Variants in GRIN2A observed in about 807,000 individuals in gnomAD.
GRIN2A encodes the protein glutamate ionotropic receptor NMDA type subunit 2A, also known as glutamate receptor ionotropic, NMDA 2A.
In GRIN2A, 22 loss-of-function variants were observed where a neutral mutation model predicts 113.4. That is an observed-to-expected ratio of 0.19 (90% CI 0.14 to 0.28). The LOEUF is 0.28. GRIN2A is among the 10% of genes least tolerant of loss of function. The pLI, the probability that GRIN2A is intolerant of heterozygous loss-of-function variation, is 1.00. For synonymous variants in GRIN2A, 827 were observed against 738.4 expected (o/e 1.12, Z -1.94); for missense variants, 1,502 against 1,887.0 (o/e 0.80, Z 3.78).
At chr16:9,978,976 C>T (rs1272098916) in intron 2 of GRIN2A, among the ~76,000 whole-genome samples, 6 of 152,304 alleles carry the variant, frequency 3.9e-5, no homozygotes, top group Admixed American at 6.5e-5. Context: ...ACTCCCACAA[C>T]GAAACCTGTG....
At chr16:9,887,638 C>G (rs1433208624) in intron 4 of GRIN2A, among the ~76,000 whole-genome samples, 1 of 152,162 alleles carries the variant, frequency 6.6e-6, no homozygotes, top group Non-Finnish European at 1.5e-5. Context: ...AATGAACATT[C>G]TTGTACAAGT....
At chr16:10,009,556 G>A (rs1732962945) in intron 2 of GRIN2A, among the ~76,000 whole-genome samples, 1 of 152,116 alleles carries the variant, frequency 6.6e-6, no homozygotes, top group African/African-American at 2.4e-5. Flanking sequence ...GAAAGGCAGT[G>A]GTAACAAACA....
intron 2 of GRIN2A, among the ~76,000 whole-genome samples, chr16:10,001,345 T>C (rs2046316399): frequency 6.6e-6 from 1 of 152,178 alleles, no homozygotes; most frequent in African/African-American, 2.4e-5. Context: ...ATTCACCTGG[T>C]TGCAAGTGAC....
At position 9,844,818 on chromosome 16, in the gene GRIN2A, A is replaced by G. The variant is rs147218052; in HGVS notation, c.1329-3714T>C. Among the ~76,000 whole-genome samples, 61 of 152,286 alleles carry G rather than the reference A, an allele frequency of 4.0e-4. No individual in the cohort carries two copies. The East Asian group carries it at 4.8e-3, about 12-fold the overall frequency. On this transcript the variant is annotated intron_variant, in intron 5 of 12. Transcript: ENST00000330684. ...TGACAGCATGGCCATTTCTCGCTACACATCAGGCCAAATGATTTTTCCAAT... is the reference window on the plus strand; with the variant it reads ...TGACAGCATGGCCATTTCTCGCTACGCATCAGGCCAAATGATTTTTCCAAT...
At chr16:10,146,706 G>T (rs1057082636) in intron 2 of GRIN2A, among the ~76,000 whole-genome samples, 4 of 152,054 alleles carry the variant, frequency 2.6e-5, no homozygotes, top group Non-Finnish European at 4.4e-5. Flanking sequence ...GTTGGGAGGT[G>T]GCTCCTGGAG....
At chr16:10,149,079 T>C (rs928282902) in intron 2 of GRIN2A, among the ~76,000 whole-genome samples, 23 of 152,110 alleles carry the variant, frequency 1.5e-4, no homozygotes, top group African/African-American at 5.3e-4. Context: ...GGAAAGGGTA[T>C]TGGGGGTGTG....
chr16:10,014,888 AT>A (rs2141878515), intron 2 of GRIN2A, among the ~76,000 whole-genome samples: 1 of 152,264 alleles, frequency 6.6e-6, no homozygotes, highest in East Asian at 1.9e-4. Flanking sequence ...AGAAAAAAAA[AT>A]TTAGCATCTA....
chr16:9,986,721 C>G (rs371077353), intron 2 of GRIN2A, among the ~76,000 whole-genome samples: 1 of 145,548 alleles, frequency 6.9e-6, no homozygotes, highest in Non-Finnish European at 1.5e-5. Context: ...GCTGAGATCA[C>G]GCCATTGCAC....
In GRIN2A at chr16:9,759,869, T is replaced by C. The variant is rs1234122917; in HGVS notation, c.*3280A>G. On this transcript the variant is annotated 3_prime_UTR_variant, in exon 13 of 13. Coordinates refer to ENST00000330684, the MANE Select transcript of GRIN2A (RefSeq NM_001134407.3). ...GATGTAAGGATGATGAAACCCATTT[T>C]CCAGAAGCACAAAGGTTTCTCAAGT... is the stretch of plus-strand genomic sequence containing the variant. 4.3e-6 allele frequency: 1 copy of C among 230,138 alleles called. No individual in the cohort carries two copies. Among genetic ancestry groups the C allele is most frequent in the Non-Finnish European group, 8.6e-6 (1 of 116,178 alleles). 14.3% of individuals were successfully genotyped at this position (230,138 alleles called of 1,614,324 possible).
At chr16:9,899,203 C>T (rs1292665943) in intron 3 of GRIN2A, among the ~76,000 whole-genome samples, 2 of 151,964 alleles carry the variant, frequency 1.3e-5, no homozygotes, top group South Asian at 4.1e-4. Flanking sequence ...CTTTGGGATG[C>T]CAAGGCAGGT....
chr16:9,955,501 T>C (rs944267319), intron 2 of GRIN2A, among the ~76,000 whole-genome samples: 1 of 152,242 alleles, frequency 6.6e-6, no homozygotes, highest in Non-Finnish European at 1.5e-5. Flanking sequence ...TTACTGTTAC[T>C]GCCCCTACCT....
intron 2 of GRIN2A, among the ~76,000 whole-genome samples, chr16:10,076,143 G>C (rs1480508671): frequency 6.6e-6 from 1 of 152,198 alleles, no homozygotes; most frequent in Non-Finnish European, 1.5e-5. Context: ...CAGCACCTGG[G>C]ACATCAGGAA....
intron 4 of GRIN2A, among the ~76,000 whole-genome samples, chr16:9,887,178 AG>A (rs1269240946): frequency 6.6e-6 from 1 of 152,092 alleles, no homozygotes; most frequent in African/African-American, 2.4e-5. Context: ...TGAGCCACCA[AG>A]CCCGGCCCGG....
At chr16:9,812,720 G>T (rs1331247339) in intron 10 of GRIN2A, among the ~76,000 whole-genome samples, 2 of 151,976 alleles carry the variant, frequency 1.3e-5, no homozygotes, top group Admixed American at 6.6e-5. Context: ...AAAAAACAAA[G>T]AATTGCTTTG....
Position 9,760,516 on chromosome 16 carries a change from A to G in GRIN2A, c.*2633T>C, listed in dbSNP as rs1372004277. ...AAAAACACTTCGGTCAGTGAAAAGA[A>G]TATATATTTTTTTCACAACATTACT... On this transcript the variant is annotated 3_prime_UTR_variant, in exon 13 of 13. Transcript: ENST00000330684. The G allele has an allele frequency of 1.8e-5, 4 of 221,302 alleles. No individual in the cohort carries two copies. Among genetic ancestry groups the G allele is most frequent in the Non-Finnish European group, 2.7e-5 (3 of 110,752 alleles). 13.7% of individuals were successfully genotyped at this position (221,302 alleles called of 1,614,324 possible).
chr16:10,113,098 G>A (rs1003051044), intron 2 of GRIN2A, among the ~76,000 whole-genome samples: 1 of 141,222 alleles, frequency 7.1e-6, no homozygotes, highest in African/African-American at 2.6e-5. Flanking sequence ...GGCTGCCTGG[G>A]GGCGCCCCCC....
chr16:10,170,880 TA>T (rs34463380), intron 2 of GRIN2A, among the ~76,000 whole-genome samples: 49,229 of 143,594 alleles, frequency 0.34, 9,299 homozygotes, highest in East Asian at 0.81. Context: ...CTGTTTTCTT[TA>T]AAAAAAAAAA....
At chr16:10,165,517 TATA>T (rs1187722335) in intron 2 of GRIN2A, among the ~76,000 whole-genome samples, 3 of 146,348 alleles carry the variant, frequency 2.0e-5, no homozygotes, top group East Asian at 3.9e-4. Flanking sequence ...TATACATATA[TATA>T]TATATATGTA....
chr16:10,179,892 C>G, intron 2 of GRIN2A, 106 bp downstream of exon 2: 1 of 721,358 alleles, frequency 1.4e-6, no homozygotes, highest in South Asian at 1.4e-5. Flanking sequence ...ACCCCCACCC[C>G]CACTTCACAT....
Sources: gnomAD v4.1 joint callset for allele counts (sites outside exome capture counted in the v4.1 genomes callset) on GRCh38, gnomAD v4.1.1 for gene constraint, MANE v1.5 for transcripts, NCBI Gene and HGNC (gene_info 2026-07-23, HGNC 2026-07-21) for gene names.